The following SLC25A48 variants were observed in gnomAD, a reference collection of about 807,000 sequenced individuals.
SLC25A48 encodes CTC-321K16.1.
SLC25A48 carries 29 observed loss-of-function variants against 32.2 expected under a neutral mutation model. The ratio of observed to expected loss-of-function variants is 0.90; its 90% CI spans 0.67 to 1.23. SLC25A48 has a LOEUF of 1.23. SLC25A48 is among the 50% of genes most tolerant of loss of function. SLC25A48 has a pLI of 0.00. For missense variants in SLC25A48, 399 were observed against 422.7 expected, an observed-to-expected ratio of 0.94 and a Z score of 0.49; for synonymous variants, 164 against 172.3, an observed-to-expected ratio of 0.95 and a Z score of 0.38.
chr5:135,664,228 T>C (rs1297018042), intron 3 of SLC25A48, among the ~76,000 whole-genome samples: 2 of 152,230 alleles, frequency 1.3e-5, no homozygotes, highest in Non-Finnish European at 2.9e-5. Flanking sequence ...GAGACAGATA[T>C]GGCGACAGAC....
At chr5:135,879,018 A>T (rs1175709194) in intron 6 of SLC25A48, among the ~76,000 whole-genome samples, 1 of 152,172 alleles carries the variant, frequency 6.6e-6, no homozygotes, top group Non-Finnish European at 1.5e-5. Flanking sequence ...GCCGACACAC[A>T]ACACCAAGCA....
intron 3 of SLC25A48, among the ~76,000 whole-genome samples, chr5:135,751,455 G>C (rs1358936761): frequency 6.6e-6 from 1 of 152,188 alleles, no homozygotes; most frequent in Non-Finnish European, 1.5e-5. Flanking sequence ...TTTGAACACA[G>C]AGGACACAAG....
intron 3 of SLC25A48, among the ~76,000 whole-genome samples, chr5:135,776,196 G>A (rs773214633): frequency 4.7e-5 from 7 of 149,096 alleles, no homozygotes; most frequent in African/African-American, 1.7e-4. Context: ...ATATCCAAGC[G>A]AGTGATGATG....
At chr5:135,777,830 G>GT (rs1436796700) in intron 3 of SLC25A48, among the ~76,000 whole-genome samples, 3 of 150,086 alleles carry the variant, frequency 2.0e-5, no homozygotes, top group East Asian at 4.0e-4. Context: ...TGCAGGGGCT[G>GT]TACACCCACA....
chr5:135,834,503 A>G (rs1758332353), upstream of SLC25A48: 2 of 336,528 alleles, frequency 5.9e-6, no homozygotes, highest in Non-Finnish European at 1.1e-5. Flanking sequence ...TGAAGTTGGC[A>G]AGGAAGAGGA....
intron 3 of SLC25A48, among the ~76,000 whole-genome samples, chr5:135,731,241 T>C (rs919402848): frequency 1.6e-4 from 25 of 152,048 alleles, no homozygotes; most frequent in African/African-American, 6.0e-4. Context: ...CCAGAAGGAA[T>C]TTCACAAGGC....
chr5:135,835,295 CG>C, intron 1 of SLC25A48: 1 of 429,576 alleles, frequency 2.3e-6, no homozygotes, highest in South Asian at 1.7e-5. Context: ...CTGCTGATCC[CG>C]GGGCGCAGGG....
intron 3 of SLC25A48, among the ~76,000 whole-genome samples, chr5:135,761,838 C>T (rs1177708959): frequency 1.3e-5 from 2 of 152,138 alleles, no homozygotes; most frequent in East Asian, 3.9e-4. Context: ...AGATCCTGCG[C>T]CCCCCACTTG....
intron 3 of SLC25A48, among the ~76,000 whole-genome samples, chr5:135,674,679 T>C (rs1238667473): frequency 6.6e-6 from 1 of 152,088 alleles, no homozygotes; most frequent in East Asian, 1.9e-4. Flanking sequence ...ATTTTATTCT[T>C]TCTTTATGGC....
At chr5:135,614,459 C>G (rs886925493) in intron 1 of SLC25A48, among the ~76,000 whole-genome samples, 1 of 152,090 alleles carries the variant, frequency 6.6e-6, no homozygotes, top group Non-Finnish European at 1.5e-5. Flanking sequence ...GTGTTGAATA[C>G]GAGTGGCAAA....
chr5:135,811,983 G>T (rs1312278229), intron 3 of SLC25A48, among the ~76,000 whole-genome samples: 2 of 151,922 alleles, frequency 1.3e-5, no homozygotes, highest in Non-Finnish European at 2.9e-5. Flanking sequence ...TCAGGAAGCT[G>T]AGGCAGGAGA....
At chr5:135,642,851 G>A (rs1752872124) in intron 3 of SLC25A48, among the ~76,000 whole-genome samples, 1 of 152,150 alleles carries the variant, frequency 6.6e-6, no homozygotes, top group Non-Finnish European at 1.5e-5. Flanking sequence ...GCTCCTGATG[G>A]GCACTTGCTC....
chr5:135,631,358 C>T (rs151078744), intron 2 of SLC25A48, among the ~76,000 whole-genome samples: 38 of 152,270 alleles, frequency 2.5e-4, no homozygotes, highest in East Asian at 1.7e-3. Flanking sequence ...GCTCAGAGTG[C>T]GCAGGTTATG....
chr5:135,779,373 C>A (rs1280292761), intron 3 of SLC25A48, among the ~76,000 whole-genome samples: 3 of 151,532 alleles, frequency 2.0e-5, no homozygotes, highest in South Asian at 2.1e-4. Flanking sequence ...GGGTGGATAC[C>A]CCCTGTGTGA....
intron 1 of SLC25A48, among the ~76,000 whole-genome samples, chr5:135,610,213 C>T (rs530829893): frequency 3.9e-5 from 6 of 152,274 alleles, no homozygotes; most frequent in Admixed American, 3.3e-4. Context: ...GACATATTTC[C>T]GTGGCCTTTC....
At chr5:135,637,814 A>G (rs190317677) in intron 3 of SLC25A48, among the ~76,000 whole-genome samples, 273 of 152,306 alleles carry the variant, frequency 1.8e-3, no homozygotes, top group African/African-American at 6.4e-3. Flanking sequence ...GGCAGGCCAC[A>G]TAGACAAGGC....
intron 3 of SLC25A48, among the ~76,000 whole-genome samples, chr5:135,734,619 AG>A (rs1755307689): frequency 1.3e-5 from 2 of 151,830 alleles, no homozygotes; most frequent in Non-Finnish European, 2.9e-5. Flanking sequence ...CGAGGTCAGG[AG>A]ATCGAGACCA....
At chr5:135,747,150 G>A (rs2127005356) in intron 3 of SLC25A48, among the ~76,000 whole-genome samples, 1 of 151,830 alleles carries the variant, frequency 6.6e-6, no homozygotes, top group Non-Finnish European at 1.5e-5. Flanking sequence ...TATTCTCTGG[G>A]GTGATGCACT....
chr5:135,765,362 G>A (rs1011476750), intron 3 of SLC25A48, among the ~76,000 whole-genome samples: 1 of 151,518 alleles, frequency 6.6e-6, no homozygotes, highest in African/African-American at 2.4e-5. Context: ...GGGGAAAAAA[G>A]GGTGATACTA....
Sources: gnomAD v4.1 joint callset for allele counts (sites outside exome capture counted in the v4.1 genomes callset) on GRCh38, gnomAD v4.1.1 for gene constraint, MANE v1.5 for transcripts, NCBI Gene and HGNC (gene_info 2026-07-23, HGNC 2026-07-21) for gene names.